Variants in CCNYL1 observed in about 807,000 individuals in gnomAD.
CCNYL1 encodes cyclin-Y-like protein 1.
CCNYL1 carries 16 observed loss-of-function variants against 44.2 expected under a neutral mutation model. That is an observed-to-expected ratio of 0.36 (90% confidence interval 0.25 to 0.55). The LOEUF (loss-of-function observed/expected upper bound fraction) is 0.55, where lower values mean the gene tolerates loss of function less well. Among genes scored for constraint, CCNYL1 ranks in the 20% least tolerant of loss-of-function variants. The probability of loss-of-function intolerance (pLI) is 0.85; values close to 1 mark genes in which losing one functional copy is unlikely to be tolerated. For missense variants in CCNYL1, 348 were observed against 451.8 expected, an observed-to-expected ratio of 0.77 and a Z score of 2.08; for synonymous variants, 159 against 163.2, an observed-to-expected ratio of 0.97 and a Z score of 0.20.
At chr2:207,725,448 A>T (rs991250515) in intron 2 of CCNYL1, among the ~76,000 whole-genome samples, 4 of 152,146 alleles carry the variant, frequency 2.6e-5, no homozygotes, top group Non-Finnish European at 4.4e-5. Flanking sequence ...ATATTTCTCC[A>T]TACTTCTTTG....
At chr2:207,726,795 T>C in intron 2 of CCNYL1, 47 bp from the exon 3 acceptor site, 1 of 1,318,284 alleles carries the variant, frequency 7.6e-7, no homozygotes, top group Non-Finnish European at 1.1e-6. Flanking sequence ...ACTTTTATAC[T>C]GTGGCATTTG....
chr2:207,723,771 A>G (rs2091658965), intron 1 of CCNYL1, among the ~76,000 whole-genome samples: 2 of 150,056 alleles, frequency 1.3e-5, no homozygotes, highest in Non-Finnish European at 3.0e-5. Flanking sequence ...GCTATTTGGG[A>G]TACTGAGGCA....
chr2:207,732,874 C>G (rs1401553511), intron 3 of CCNYL1, among the ~76,000 whole-genome samples: 1 of 152,216 alleles, frequency 6.6e-6, no homozygotes, highest in East Asian at 1.9e-4. Context: ...CATTTACCTT[C>G]CAAATTGTAA....
chr2:207,749,752 T>C (rs1214848807), intron 8 of CCNYL1, among the ~76,000 whole-genome samples: 2 of 152,182 alleles, frequency 1.3e-5, no homozygotes, highest in Admixed American at 1.3e-4. Context: ...GAACAGGAAA[T>C]TAATTTTGGA....
chr2:207,739,022 G>T (rs1363127360), intron 5 of CCNYL1, among the ~76,000 whole-genome samples: 1 of 151,646 alleles, frequency 6.6e-6, no homozygotes, highest in Non-Finnish European at 1.5e-5. Context: ...ACCCAGCCTG[G>T]TTCACATTTC....
intron 5 of CCNYL1, among the ~76,000 whole-genome samples, chr2:207,739,094 G>A (rs1575219040): frequency 6.6e-6 from 1 of 151,500 alleles, no homozygotes; most frequent in Admixed American, 6.6e-5. Context: ...AAATCTTTAA[G>A]TATTGAGAAG....
chr2:207,749,448 G>A (rs942124362), intron 8 of CCNYL1, among the ~76,000 whole-genome samples: 1 of 152,020 alleles, frequency 6.6e-6, no homozygotes, highest in East Asian at 1.9e-4. Flanking sequence ...CTATTCAGAC[G>A]GTTTGCTGTG....
chr2:207,727,266 CTTA>C (rs1235696099), intron 3 of CCNYL1, among the ~76,000 whole-genome samples: 1 of 152,084 alleles, frequency 6.6e-6, no homozygotes, highest in Admixed American at 6.6e-5. Flanking sequence ...CCACCGTGAC[CTTA>C]TTTTCTTCCC....
intron 5 of CCNYL1, 90 bp downstream of exon 5, chr2:207,737,536 A>C: frequency 9.5e-7 from 1 of 1,049,532 alleles, no homozygotes; most frequent in Non-Finnish European, 1.4e-6. Context: ...TAGACATCAT[A>C]AGCTATAGAT....
At position 207,733,948 on chromosome 2, in the gene CCNYL1, T is replaced by G; in HGVS notation, c.332T>G (p.Val111Gly). 6.3e-7 allele frequency: 1 copy of G among 1,598,418 alleles called. No individual in the cohort carries two copies. Among genetic ancestry groups the G allele is most frequent in the Non-Finnish European group, 8.6e-7 (1 of 1,166,850 alleles). ...EKRKSNHLNH[V>G]SPGQLTKKYS... ...TCTTCTATTTCCCTTCCCCTTCAGG[T>G]ATCTCCAGGGCAGCTTACTAAAAAG... The change falls in exon 4 of 10, where the codon GTA becomes GGA. Residue 111 changes from valine to glycine, a missense_variant and splice_region_variant. Physicochemically the swap from Val to Gly is moderately radical, Grantham distance 109. Coordinates refer to ENST00000295414, the MANE Select transcript of CCNYL1 (RefSeq NM_001330218.2).
chr2:207,734,167 C>T (rs2091748278), intron 4 of CCNYL1, 120 bp downstream of exon 4: 4 of 589,514 alleles, frequency 6.8e-6, no homozygotes, highest in African/African-American at 1.9e-5. Context: ...TTTAAGAAAT[C>T]GGTGTCAACT....
At chr2:207,715,379 C>CTTTTTTTTTTTTTTTTTTTTTTTTT (rs770646092) in intron 1 of CCNYL1, among the ~76,000 whole-genome samples, 2 of 100,754 alleles carry the variant, frequency 2.0e-5, no homozygotes, top group Non-Finnish European at 3.7e-5. Flanking sequence ...CAAGCTATTT[C>CTTTTTTTTTTTTTTTTTTTTTTTTT]TTTTTTTTTT....
At chr2:207,731,060 G>A (rs1253317078) in intron 3 of CCNYL1, among the ~76,000 whole-genome samples, 1 of 152,078 alleles carries the variant, frequency 6.6e-6, no homozygotes, top group Non-Finnish European at 1.5e-5. Flanking sequence ...CTTAGGAATT[G>A]TATTCAAACT....
intron 4 of CCNYL1, 119 bp from the exon 5 acceptor site, chr2:207,737,291 TG>T (rs2091772998): frequency 2.7e-6 from 2 of 750,900 alleles, no homozygotes; most frequent in Non-Finnish European, 4.7e-6. Context: ...GGTACTGTTC[TG>T]AACTAGAGGA....
At chr2:207,724,267 G>GC (rs1416624171) in intron 1 of CCNYL1, among the ~76,000 whole-genome samples, 4 of 152,104 alleles carry the variant, frequency 2.6e-5, no homozygotes, top group Non-Finnish European at 4.4e-5. Flanking sequence ...ATGATGAATG[G>GC]CCCCCCAAAA....
At chr2:207,736,765 A>G (rs2091767308) in intron 4 of CCNYL1, among the ~76,000 whole-genome samples, 1 of 152,220 alleles carries the variant, frequency 6.6e-6, no homozygotes, top group Admixed American at 6.5e-5. Context: ...ATAACCAAAA[A>G]ACCAAATAGT....
intron 1 of CCNYL1, among the ~76,000 whole-genome samples, chr2:207,715,765 G>C (rs11896569): frequency 2.7e-5 from 4 of 148,278 alleles, no homozygotes; most frequent in Non-Finnish European, 4.4e-5. Context: ...TAACCTCTGC[G>C]CCCAGAGTTC....
In CCNYL1 at chr2:207,744,117, G is replaced by A. The variant is rs555598948; in HGVS notation, c.639+1775G>A. On this transcript the variant is annotated intron_variant, in intron 7 of 9. Coordinates refer to ENST00000295414, the MANE Select transcript of CCNYL1 (RefSeq NM_001330218.2). ...TCACTATTTTAGATAGAATGATCAG[G>A]AAGAACCTCTCTAGAGGTGACATTT... 8.2e-4 allele frequency among the ~76,000 whole-genome samples: 125 copies of A among 152,246 alleles called. 1 individual carries two copies. The highest frequency in any genetic ancestry group is 2.9e-3 in the African/African-American group (120 of 41,562).
At chr2:207,727,336 T>A (rs1398540549) in intron 3 of CCNYL1, among the ~76,000 whole-genome samples, 1 of 151,988 alleles carries the variant, frequency 6.6e-6, no homozygotes, top group Non-Finnish European at 1.5e-5. Context: ...ATGTTTACAT[T>A]GTTATGATTA....
Sources: gnomAD v4.1 joint callset for allele counts (sites outside exome capture counted in the v4.1 genomes callset) on GRCh38, gnomAD v4.1.1 for gene constraint, MANE v1.5 for transcripts, NCBI Gene and HGNC (gene_info 2026-07-23, HGNC 2026-07-21) for gene names.